The following TBC1D5 variants were observed in gnomAD, a reference collection of about 807,000 sequenced individuals.
TBC1D5 encodes the protein TBC1 domain family member 5, also known as TBC1 domain family, member 5.
In TBC1D5, 75 loss-of-function variants were observed where a neutral mutation model predicts 100.3. That is an observed-to-expected ratio of 0.75 (90% CI 0.62 to 0.91). The LOEUF (loss-of-function observed/expected upper bound fraction) is 0.91. Among genes scored for constraint, TBC1D5 ranks in the 40% least tolerant of loss-of-function variants. TBC1D5 has a pLI of 0.00. For missense variants in TBC1D5, 910 were observed against 942.4 expected (o/e 0.97, Z 0.45); for synonymous variants, 323 against 325.6 (o/e 0.99, Z 0.09).
intron 1 of TBC1D5, among the ~76,000 whole-genome samples, chr3:17,681,932 C>T (rs918484160): frequency 6.6e-6 from 1 of 151,466 alleles, no homozygotes; most frequent in Admixed American, 6.6e-5. Context: ...GAATGCAAAC[C>T]CTACCGTGAA....
intron 13 of TBC1D5, among the ~76,000 whole-genome samples, chr3:17,317,172 T>C (rs1261496027): frequency 2.0e-5 from 3 of 152,122 alleles, no homozygotes; most frequent in Non-Finnish European, 4.4e-5. Flanking sequence ...CAACATATAA[T>C]TAGAAAGGCA....
chr3:17,519,609 T>C (rs976080346), intron 2 of TBC1D5, among the ~76,000 whole-genome samples: 1 of 152,212 alleles, frequency 6.6e-6, no homozygotes, highest in African/African-American at 2.4e-5. Flanking sequence ...GTTTTACTCA[T>C]CTATACTCTA....
At chr3:17,632,721 A>G (rs538732232) in intron 1 of TBC1D5, among the ~76,000 whole-genome samples, 2 of 152,342 alleles carry the variant, frequency 1.3e-5, no homozygotes, top group East Asian at 3.9e-4. Context: ...GGCTGAGATG[A>G]TCGTTCACAT....
chr3:17,374,143 C>T (rs894601189), intron 12 of TBC1D5, among the ~76,000 whole-genome samples: 1 of 152,010 alleles, frequency 6.6e-6, no homozygotes, highest in Admixed American at 6.6e-5. Flanking sequence ...ACAGATTCTA[C>T]CTATGCACTT....
chr3:17,634,040 G>A (rs998646994), intron 1 of TBC1D5, among the ~76,000 whole-genome samples: 1 of 152,082 alleles, frequency 6.6e-6, no homozygotes, highest in African/African-American at 2.4e-5. Flanking sequence ...CAGGTAAAAT[G>A]GCTTATAGTT....
chr3:17,366,050 G>A lies in TBC1D5; in HGVS notation c.995+6025C>T, dbSNP rs568658832. ...CACACCTGTAATCTCAGCACTTTGG[G>A]AGGCCAAGGCAGGCAGATCACCTGA... On this transcript the variant is annotated intron_variant, in intron 13 of 21. Transcript: ENST00000253692. Among the ~76,000 whole-genome samples the A allele has an allele frequency of 7.2e-5, 11 of 152,220 alleles. No individual in the cohort carries two copies. The South Asian group carries it at 1.9e-3, about 26-fold the overall frequency.
intron 9 of TBC1D5, among the ~76,000 whole-genome samples, chr3:17,380,041 G>C (rs946161707): frequency 1.6e-4 from 14 of 88,044 alleles, no homozygotes; most frequent in African/African-American, 8.1e-4. Flanking sequence ...AGCTGTGACT[G>C]TGTATGTGTG....
In TBC1D5 at chr3:17,443,721, A is replaced by T. The variant is rs550876946; in HGVS notation, c.98-15202T>A. Among the ~76,000 whole-genome samples the T allele has an allele frequency of 6.6e-5, 10 of 152,346 alleles. No homozygotes were observed. The East Asian group carries it at 1.3e-3, about 21-fold the overall frequency. The stretch of plus-strand genomic sequence containing the variant: ...CACTGTAAAATAATAGAAACTATTA[A>T]AAAGAACCAAATGGAAATCTTAGAA... On this transcript the variant is annotated intron_variant, in intron 3 of 21. Coordinates refer to ENST00000253692, the Ensembl canonical transcript of TBC1D5.
At chr3:17,609,923 T>G (rs904010348) in intron 2 of TBC1D5, among the ~76,000 whole-genome samples, 13 of 152,208 alleles carry the variant, frequency 8.5e-5, no homozygotes, top group African/African-American at 2.7e-4. Context: ...ACTCAGTATC[T>G]CAAACAAACA....
chr3:17,493,189 T>C (rs1374604539), intron 3 of TBC1D5, among the ~76,000 whole-genome samples: 1 of 152,188 alleles, frequency 6.6e-6, no homozygotes, highest in African/African-American at 2.4e-5. Context: ...CCTTTGCTTA[T>C]GAAGCTCAGT....
chr3:17,589,509 A>C (rs1441012760), intron 2 of TBC1D5, among the ~76,000 whole-genome samples: 1 of 152,092 alleles, frequency 6.6e-6, no homozygotes, highest in Non-Finnish European at 1.5e-5. Flanking sequence ...TAAAATGAGA[A>C]TCTCCCTGCA....
At chr3:17,464,015 G>A (rs762265198) in intron 3 of TBC1D5, among the ~76,000 whole-genome samples, 32 of 139,510 alleles carry the variant, frequency 2.3e-4, no homozygotes, top group Non-Finnish European at 3.8e-4. Context: ...GCCACGGCGC[G>A]ATCTTGGCTC....
At chr3:17,636,280 C>G (rs764900933) in intron 1 of TBC1D5, among the ~76,000 whole-genome samples, 1 of 152,022 alleles carries the variant, frequency 6.6e-6, no homozygotes, top group Non-Finnish European at 1.5e-5. Context: ...GTTAATAAAG[C>G]AGAAGATAAT....
intron 12 of TBC1D5, among the ~76,000 whole-genome samples, chr3:17,373,625 T>G (rs755424074): frequency 9.9e-5 from 15 of 152,166 alleles, no homozygotes; most frequent in Non-Finnish European, 1.9e-4. Context: ...CATCGACTGA[T>G]GTATGGATAA....
chr3:17,523,984 A>C (rs895922603), intron 2 of TBC1D5, among the ~76,000 whole-genome samples: 3 of 152,220 alleles, frequency 2.0e-5, no homozygotes, highest in African/African-American at 7.2e-5. Flanking sequence ...ATGATTTTTT[A>C]AAAGGTTCAG....
chr3:17,453,079 TAA>T lies in TBC1D5; in HGVS notation c.98-24562_98-24561del, dbSNP rs570210975. Among the ~76,000 whole-genome samples the T allele has an allele frequency of 7.7e-3, 629 of 81,904 alleles. 2 individuals are homozygous for T. The highest frequency in any genetic ancestry group is 0.031 in the South Asian group (83 of 2,648). The allele number at this position is 81,904 out of a possible 152,430, so 53.7% of individuals were successfully genotyped here. On this transcript the variant is annotated intron_variant, in intron 3 of 21. Coordinates refer to ENST00000253692, the Ensembl canonical transcript of TBC1D5. ...AAAGACCAGCAGGTCAATGAAGAAA[TAA>T]AAAAAAAAAAAAAAAGAAAAGTGTC...
chr3:17,183,553 T>C (rs1213611316), intron 19 of TBC1D5, among the ~76,000 whole-genome samples: 2 of 152,206 alleles, frequency 1.3e-5, no homozygotes, highest in African/African-American at 4.8e-5. Flanking sequence ...TGAGAGATAC[T>C]ACCCTATCAA....
intron 1 of TBC1D5, among the ~76,000 whole-genome samples, chr3:17,627,014 G>A (rs1009100810): frequency 3.3e-5 from 5 of 152,166 alleles, no homozygotes; most frequent in African/African-American, 9.7e-5. Context: ...CAATGCATAG[G>A]ACAGATTTGA....
chr3:17,243,221 A>C (rs1223029425), intron 16 of TBC1D5, among the ~76,000 whole-genome samples: 1 of 152,172 alleles, frequency 6.6e-6, no homozygotes, highest in Non-Finnish European at 1.5e-5. Flanking sequence ...TTATCCTAAA[A>C]TAAGGGAGCT....
Sources: gnomAD v4.1 joint callset for allele counts (sites outside exome capture counted in the v4.1 genomes callset) on GRCh38, gnomAD v4.1.1 for gene constraint, MANE v1.5 for transcripts, NCBI Gene and HGNC (gene_info 2026-07-23, HGNC 2026-07-21) for gene names.